Variants in DYNC1H1 observed in about 807,000 individuals in gnomAD.
DYNC1H1 encodes the protein dynein cytoplasmic 1 heavy chain 1, also known as cytoplasmic dynein 1 heavy chain 1.
In DYNC1H1, 51 loss-of-function variants were observed where a neutral mutation model predicts 527.1. The observed-to-expected ratio is 0.10, with a 90% confidence interval of 0.08 to 0.12. The LOEUF is 0.12. Ranked by LOEUF, DYNC1H1 falls within the 10% of genes least tolerant of loss-of-function variation. The pLI is 1.00. For missense variants in DYNC1H1, 2,771 were observed against 5,971.8 expected (o/e 0.46, Z 17.66); for synonymous variants, 2,189 against 2,278.8 (o/e 0.96, Z 1.12).
chr14:101,969,153 G>T (rs2047700688), intron 1 of DYNC1H1, among the ~76,000 whole-genome samples: 1 of 151,720 alleles, frequency 6.6e-6, no homozygotes, highest in Non-Finnish European at 1.5e-5. Context: ...AAGTAGCTGG[G>T]ACTACAGGCG....
Position 101,987,441 on chromosome 14 carries a change from T to G in DYNC1H1, c.2539-12T>G. 6.2e-7 allele frequency: 1 copy of G among 1,613,206 alleles called. No individual in the cohort carries two copies. The highest frequency in any genetic ancestry group is 1.7e-4 in the Middle Eastern group (1 of 6,056). On this transcript the variant is annotated splice_polypyrimidine_tract_variant and intron_variant, in intron 8 of 77. Transcript: ENST00000360184. Reference sequence around the variant, plus strand: ...AGTGGGTGTTTTAAATATTAAATATTTCTTCCTTCAGGTGGATGATCTGCT... The same window carrying G: ...AGTGGGTGTTTTAAATATTAAATATGTCTTCCTTCAGGTGGATGATCTGCT...
rs527943422 is a variant in DYNC1H1, at chr14:101,979,340, T to C, written c.366T>C (p.Thr122=). ...KSNSLAFIKR[T]PVIDADKPVS... ...TTAGCTTGGCATTCATTAAACGTAC[T>C]CCCGTGATTGATGCAGATAAACCCG... The change falls in exon 3 of 78, where the codon ACT becomes ACC. Residue 122 remains threonine, a synonymous_variant. Transcript: ENST00000360184. This position sits in a 1 kb window ranked among gnomAD's most constrained non-coding sequence, Gnocchi z 4.6. 22 of 1,614,204 alleles carry C rather than the reference T, an allele frequency of 1.4e-5. No individual in the cohort carries two copies. The East Asian group carries it at 2.2e-4, about 16-fold the overall frequency.
chr14:101,990,588 A>G (rs1424563447), intron 10 of DYNC1H1, among the ~76,000 whole-genome samples: 1 of 152,166 alleles, frequency 6.6e-6, no homozygotes, highest in East Asian at 1.9e-4. Flanking sequence ...AAACTATTTT[A>G]TTGAGGCCAG....
intron 44 of DYNC1H1, 185 bp downstream of exon 44, chr14:102,026,892 ACTT>A: frequency 1.1e-6 from 1 of 928,764 alleles, no homozygotes. Context: ...CCTAAGCAGA[ACTT>A]CATTCTTCCT....
At chr14:102,032,968 A>G in intron 52 of DYNC1H1, 97 bp from the exon 53 acceptor site, 1 of 1,273,196 alleles carries the variant, frequency 7.9e-7, no homozygotes, top group Non-Finnish European at 1.1e-6. Flanking sequence ...GGGCAATGAG[A>G]TGGGAGCTGG....
In DYNC1H1 at chr14:102,010,453, A is replaced by G. The variant is rs769782375; in HGVS notation, c.6399A>G (p.Glu2133=). 4 of 1,613,934 alleles carry G rather than the reference A, an allele frequency of 2.5e-6. No homozygotes were observed. The highest frequency in any genetic ancestry group is 1.3e-5 in the African/African-American group (1 of 74,930). ...GAGAAATTGCTGAAAATCTCCCTGA[A>G]CAAGAGGTTCGTTACAAACGTTTTG... The part of the protein sequence containing the change: ...DEGEIAENLP[E]QEILIQSVCE... Residue 2133 remains glutamate, a synonymous_variant, in exon 31 of 78, where the codon GAA becomes GAG. Transcript: ENST00000360184. The surrounding 1 kb of genome is among the most constrained non-coding windows in gnomAD (Gnocchi z 6.0).
rs2048270176 is a variant in DYNC1H1, at chr14:102,012,549, C to G, written c.7014+79C>G. 1 of 1,590,668 alleles carries G rather than the reference C, an allele frequency of 6.3e-7. No individual in the cohort carries two copies. The highest frequency in any genetic ancestry group is 2.2e-5 in the East Asian group (1 of 44,768). ...CTTCGTGTGCTAGCTAAGTGCAGCT[C>G]TGGAGTCATGGACCCAGATTCCATG... is the stretch of plus-strand genomic sequence containing the variant. On this transcript the variant is annotated intron_variant, in intron 34 of 77. Transcript: ENST00000360184. This position sits in a 1 kb window ranked among gnomAD's most constrained non-coding sequence, Gnocchi z 4.9.
At chr14:102,014,753 G>A (rs1422815356) in intron 34 of DYNC1H1, among the ~76,000 whole-genome samples, 2 of 152,162 alleles carry the variant, frequency 1.3e-5, no homozygotes, top group East Asian at 3.8e-4. Flanking sequence ...CCAGATTCCT[G>A]TAGAGAGAAT....
intron 18 of DYNC1H1, chr14:102,000,612 T>C: frequency 1.8e-6 from 1 of 551,834 alleles, no homozygotes; most frequent in Non-Finnish European, 3.2e-6. Context: ...TTCGCTCTTG[T>C]TGCCCAGGCT....
Position 102,039,305 on chromosome 14 carries a change from T to C in DYNC1H1, c.11460+51T>C. ...TGGCGGGCCCCGCACAGTAGCTCCTTGGCCGCACAGAGGCTGGCGGGCCCT... is the reference window on the plus strand; with the variant it reads ...TGGCGGGCCCCGCACAGTAGCTCCTCGGCCGCACAGAGGCTGGCGGGCCCT... On this transcript the variant is annotated intron_variant, in intron 60 of 77. Transcript: ENST00000360184. This position sits in a 1 kb window ranked among gnomAD's most constrained non-coding sequence, Gnocchi z 7.0. 6.2e-7 allele frequency: 1 copy of C among 1,611,670 alleles called. No homozygotes were observed. The highest frequency in any genetic ancestry group is 8.5e-7 in the Non-Finnish European group (1 of 1,179,852).
Position 102,021,656 on chromosome 14 carries a change from CTTTTTTT to C in DYNC1H1, c.8508-1081_8508-1075del, listed in dbSNP as rs757880988. 1.8e-4 allele frequency among the ~76,000 whole-genome samples: 22 copies of C among 119,834 alleles called. No homozygotes were observed. In the South Asian group the frequency reaches 2.3e-3, roughly 12 times the overall value. The allele number at this position is 119,834 out of a possible 152,430, so 78.6% of individuals were successfully genotyped here. The stretch of plus-strand genomic sequence containing the variant: ...CAGTTCCCATTTCTTTTTTCTTTTT[CTTTTTTT>C]TTTTTTTTTTTTTGAGACAAGAGTC... On this transcript the variant is annotated intron_variant, in intron 42 of 77. Coordinates refer to ENST00000360184, the MANE Select transcript of DYNC1H1 (RefSeq NM_001376.5).
chr14:101,964,573 A>C lies in DYNC1H1; in HGVS notation c.-119A>C. The C allele has an allele frequency of 6.6e-7, 1 of 1,508,268 alleles. No individual in the cohort carries two copies. The highest frequency in any genetic ancestry group is 8.8e-7 in the Non-Finnish European group (1 of 1,132,086). The allele number at this position is 1,508,268 out of a possible 1,614,324, so 93.4% of individuals were successfully genotyped here. ...GGCGGAGCCGGCTCCCGCTCTCCTCAGTCTGCGGTGGGCTAGCGGACGGTC... is the reference window on the plus strand; with the variant it reads ...GGCGGAGCCGGCTCCCGCTCTCCTCCGTCTGCGGTGGGCTAGCGGACGGTC... On this transcript the variant is annotated 5_prime_UTR_variant, in exon 1 of 78. Coordinates refer to ENST00000360184, the MANE Select transcript of DYNC1H1 (RefSeq NM_001376.5). The surrounding 1 kb of genome is among the most constrained non-coding windows in gnomAD (Gnocchi z 5.5).
intron 13 of DYNC1H1, 24 bp downstream of exon 13, chr14:101,994,873 A>ACACC (rs1290226037): frequency 2.4e-5 from 39 of 1,614,220 alleles, no homozygotes; most frequent in Non-Finnish European, 3.2e-5. Context: ...TCTGGTTGAA[A>ACACC]GGTGTCACGG....
chr14:102,051,033 A>T lies in DYNC1H1; in HGVS notation c.*470A>T, dbSNP rs950688123. 2 of 239,172 alleles carry T rather than the reference A, an allele frequency of 8.4e-6. No homozygotes were observed. The highest frequency in any genetic ancestry group is 1.0e-4 in the Admixed American group (2 of 19,352). The allele number at this position is 239,172 out of a possible 1,614,324, so 14.8% of individuals were successfully genotyped here. On this transcript the variant is annotated 3_prime_UTR_variant, in exon 78 of 78. Coordinates refer to ENST00000360184, the MANE Select transcript of DYNC1H1 (RefSeq NM_001376.5). ...CCGGGCACCATGGTTCACACCTTTAATCGCAGCACTTTGGGAGTCTGGGAG... is the reference window on the plus strand; with the variant it reads ...CCGGGCACCATGGTTCACACCTTTATTCGCAGCACTTTGGGAGTCTGGGAG...
In DYNC1H1 at chr14:102,049,385, G is replaced by T. The variant is rs538652673; in HGVS notation, c.13373-55G>T. The T allele has an allele frequency of 1.2e-5, 19 of 1,611,556 alleles. No individual in the cohort carries two copies. The highest frequency in any genetic ancestry group is 2.0e-4 in the Middle Eastern group (1 of 5,126). ...TAGCACTTGCACATTTGTTCCATCT[G>T]TGCTGGGGGAGTTGTGAGAGCTGAC... On this transcript the variant is annotated intron_variant, in intron 74 of 77. Transcript: ENST00000360184. The surrounding 1 kb of genome is among the most constrained non-coding windows in gnomAD (Gnocchi z 5.5).
chr14:101,968,587 C>A (rs1386145731), intron 1 of DYNC1H1, among the ~76,000 whole-genome samples: 1 of 151,824 alleles, frequency 6.6e-6, no homozygotes, highest in Non-Finnish European at 1.5e-5. Flanking sequence ...TTTTTTGAGA[C>A]AGGGTCTCAC....
intron 29 of DYNC1H1, among the ~76,000 whole-genome samples, chr14:102,009,025 A>G (rs1254448202): frequency 6.6e-6 from 1 of 152,134 alleles, no homozygotes; most frequent in African/African-American, 2.4e-5. Context: ...ACATCGTCAG[A>G]GAGCCAGCCT....
chr14:102,031,095 AACCTATAT>A (rs1177689380), intron 51 of DYNC1H1, among the ~76,000 whole-genome samples: 2 of 152,240 alleles, frequency 1.3e-5, no homozygotes, highest in African/African-American at 2.4e-5. Flanking sequence ...TGCACCACTC[AACCTATAT>A]ATTTTCATTC....
rs375315337 is a variant in DYNC1H1 at position 102,041,755 on chromosome 14, G to A, written c.12102+21G>A. On this transcript the variant is annotated intron_variant, in intron 65 of 77. Transcript: ENST00000360184. The surrounding 1 kb of genome is among the most constrained non-coding windows in gnomAD (Gnocchi z 4.5). ...CAGAGGTAATGTCCTGGTACAGCCC[G>A]GGCTTCCCACGAGACTCCATGCCCA... 8.6e-5 allele frequency: 139 copies of A among 1,613,640 alleles called. No individual in the cohort carries two copies. The African/African-American group carries it at 1.2e-3, about 14-fold the overall frequency.
Sources: gnomAD v4.1 joint callset for allele counts (sites outside exome capture counted in the v4.1 genomes callset) on GRCh38, gnomAD v4.1.1 for gene constraint, Gnocchi (gnomAD v3.1) non-coding constraint, MANE v1.5 for transcripts, NCBI Gene and HGNC (gene_info 2026-07-23, HGNC 2026-07-21) for gene names.